Variants in GINS2 observed in about 807,000 individuals in gnomAD.
GINS2 encodes the protein GINS complex subunit 2, also known as DNA replication complex GINS protein PSF2.
Under a neutral mutation model 21.2 loss-of-function variants are expected in GINS2, and 23 were observed. That is an observed-to-expected ratio of 1.08 (90% CI 0.78 to 1.53). The LOEUF (loss-of-function observed/expected upper bound fraction) is 1.53, where lower values mean the gene tolerates loss of function less well. GINS2 is among the 40% of genes most tolerant of loss of function. The probability of loss-of-function intolerance (pLI) is 0.00; values close to 1 mark genes in which losing one functional copy is unlikely to be tolerated. For missense variants in GINS2, 323 were observed against 233.9 expected (o/e 1.38, Z -2.49); for synonymous variants, 118 against 85.6 (o/e 1.38, Z -2.09).
At chr16:85,685,352 T>C (rs1166292434) in intron 2 of GINS2, among the ~76,000 whole-genome samples, 2 of 152,038 alleles carry the variant, frequency 1.3e-5, no homozygotes, top group East Asian at 1.9e-4. Flanking sequence ...GCTGCATTAA[T>C]GGAGCCAGGC....
At chr16:85,686,321 C>T (rs780020180) in intron 2 of GINS2, among the ~76,000 whole-genome samples, 10 of 151,494 alleles carry the variant, frequency 6.6e-5, no homozygotes, top group Non-Finnish European at 1.2e-4. Flanking sequence ...GGGAGGCTGA[C>T]GCGGGAGAAT....
rs770613406 is a variant in GINS2 at position 85,681,647 on chromosome 16, C to T, written c.240G>A (p.Lys80=). Residue 80 remains lysine (K), a synonymous_variant, in exon 3 of 5, where the codon AAG becomes AAA. Coordinates refer to ENST00000253462, the MANE Select transcript of GINS2 (RefSeq NM_016095.3). ...KLEKMRDHER[K]EETFTPMPSP... ...TGGGCATTGGGGTAAAAGTTTCTTCCTTTCGTTCATGATCCCTCATCTTCT... is the reference window on the plus strand; with the variant it reads ...TGGGCATTGGGGTAAAAGTTTCTTCTTTTCGTTCATGATCCCTCATCTTCT... 1.2e-6 allele frequency: 2 copies of T among 1,612,252 alleles called. No homozygotes were observed. The highest frequency in any genetic ancestry group is 3.3e-5 in the Admixed American group (2 of 59,980).
intron 3 of GINS2, among the ~76,000 whole-genome samples, chr16:85,679,410 A>G (rs933342590): frequency 2.6e-5 from 4 of 152,270 alleles, no homozygotes; most frequent in African/African-American, 9.6e-5. Flanking sequence ...CGATAAAAGC[A>G]GAAGCAAATA....
At position 85,687,554 on chromosome 16, in the gene GINS2, G is replaced by C; in HGVS notation, c.111C>G (p.Asn37Lys). 6.4e-7 allele frequency: 1 copy of C among 1,571,202 alleles called. No individual in the cohort carries two copies. Among genetic ancestry groups the C allele is most frequent in the Non-Finnish European group, 8.6e-7 (1 of 1,164,832 alleles). Residue 37 changes from asparagine to lysine, a missense_variant, in exon 2 of 5, where the codon AAC becomes AAG. By Grantham distance (94) the Asn-to-Lys change is moderately conservative. Transcript: ENST00000253462. ...YLIGGDLGPF[N>K]PGLPVEVPLW... ...GGGGCACTTCCACGGGTAAACCAGG[G>C]TTAAAAGGCCCCAGGTCCCCCTGCC...
rs1166219687 is a variant in GINS2 at position 85,676,264 on chromosome 16, A to T, written c.*1948T>A. 1 of 152,452 alleles carries T rather than the reference A, an allele frequency of 6.6e-6. No homozygotes were observed. Among genetic ancestry groups the T allele is most frequent in the African/African-American group, 2.4e-5 (1 of 41,466 alleles). The allele number at this position is 152,452 out of a possible 1,614,324, so 9.4% of individuals were successfully genotyped here. On this transcript the variant is annotated 3_prime_UTR_variant, in exon 5 of 5. Coordinates refer to ENST00000253462, the MANE Select transcript of GINS2 (RefSeq NM_016095.3). ...CCAAACAAAGAAAAGCTCAATAACT[A>T]TACATCTCCGCAGACGGAGCTGCCT... is the stretch of plus-strand genomic sequence containing the variant.
chr16:85,688,939 G>A lies in GINS2; in HGVS notation c.-41C>T, dbSNP rs926679690. On this transcript the variant is annotated 5_prime_UTR_variant, in exon 1 of 5. Transcript: ENST00000253462. ...AGGCCAGAGCCTCACGGTCTCCTCG[G>A]GCCCCTCAGCGTCCCGGAGGAGACG... 1.6e-5 allele frequency: 23 copies of A among 1,417,984 alleles called. No homozygotes were observed. The highest frequency in any genetic ancestry group is 2.2e-5 in the Admixed American group (1 of 46,490). The allele number at this position is 1,417,984 out of a possible 1,614,324, so 87.8% of individuals were successfully genotyped here. A position where few individuals can be genotyped will look rare whatever the true frequency, so the allele number is the denominator to read the frequency against.
rs1422398555 is a variant in GINS2, at chr16:85,677,601, T to A, written c.*611A>T. On this transcript the variant is annotated 3_prime_UTR_variant, in exon 5 of 5. Transcript: ENST00000253462. ...TGCCGTGTGCCTCAGTTTCGTTGAC[T>A]GAGTCATCTCAGCCACAGGCTCAGT... is the stretch of plus-strand genomic sequence containing the variant. The A allele has an allele frequency of 6.6e-6, 1 of 152,278 alleles. No individual in the cohort carries two copies. Among genetic ancestry groups the A allele is most frequent in the Non-Finnish European group, 1.5e-5 (1 of 68,092 alleles). The allele number at this position is 152,278 out of a possible 1,614,324, so 9.4% of individuals were successfully genotyped here.
intron 3 of GINS2, 31 bp downstream of exon 3, chr16:85,681,551 G>A (rs147925909): frequency 2.7e-5 from 34 of 1,260,910 alleles, no homozygotes; most frequent in African/African-American, 2.1e-4. Context: ...CCAGTCTTGG[G>A]TGTGGCCTCT....
In GINS2 at chr16:85,677,494, G is replaced by A. The variant is rs924898121; in HGVS notation, c.*718C>T. 1.3e-5 allele frequency: 2 copies of A among 152,068 alleles called. No homozygotes were observed. Among genetic ancestry groups the A allele is most frequent in the Non-Finnish European group, 2.9e-5 (2 of 68,016 alleles). The allele number at this position is 152,068 out of a possible 1,614,324, so 9.4% of individuals were successfully genotyped here. On this transcript the variant is annotated 3_prime_UTR_variant, in exon 5 of 5. Coordinates refer to ENST00000253462, the MANE Select transcript of GINS2 (RefSeq NM_016095.3). Reference sequence around the variant, plus strand: ...TCGTTTTTTTCCTGACTCTCCTCTTGATAAGCAACCCATTAAACCTGAGCT... The same window carrying A: ...TCGTTTTTTTCCTGACTCTCCTCTTAATAAGCAACCCATTAAACCTGAGCT...
chr16:85,676,595 A>C lies in GINS2; in HGVS notation c.*1617T>G. 6.6e-6 allele frequency: 1 copy of C among 152,278 alleles called. No homozygotes were observed. The highest frequency in any genetic ancestry group is 2.1e-4 in the South Asian group (1 of 4,834). 9.4% of individuals were successfully genotyped at this position (152,278 alleles called of 1,614,324 possible). ...TGCAGCATGCTAGACACTGGAGGGC[A>C]GATGCTGGGTGATAAGTCTTTAGGC... On this transcript the variant is annotated 3_prime_UTR_variant, in exon 5 of 5. Coordinates refer to ENST00000253462, the MANE Select transcript of GINS2 (RefSeq NM_016095.3).
At chr16:85,686,632 T>C (rs1391818160) in intron 2 of GINS2, among the ~76,000 whole-genome samples, 1 of 152,200 alleles carries the variant, frequency 6.6e-6, no homozygotes, top group Non-Finnish European at 1.5e-5. Flanking sequence ...TTGTCTCTAT[T>C]GATTTGCCTA....
chr16:85,684,929 C>T (rs1023236976), intron 2 of GINS2, among the ~76,000 whole-genome samples: 2 of 151,984 alleles, frequency 1.3e-5, no homozygotes, highest in African/African-American at 4.8e-5. Flanking sequence ...GCTGGGATTA[C>T]AGGCGCCCAC....
chr16:85,679,114 G>C (rs1000995429), intron 3 of GINS2, among the ~76,000 whole-genome samples: 1 of 152,206 alleles, frequency 6.6e-6, no homozygotes, highest in Non-Finnish European at 1.5e-5. Context: ...ACAGCCTAGA[G>C]AAGGAAAACG....
intron 3 of GINS2, among the ~76,000 whole-genome samples, chr16:85,680,646 C>T (rs975834744): frequency 1.2e-4 from 19 of 152,092 alleles, no homozygotes; most frequent in African/African-American, 4.6e-4. Flanking sequence ...TTACAACTGG[C>T]AAATGCCATA....
chr16:85,682,513 G>A (rs1237899073), intron 2 of GINS2, among the ~76,000 whole-genome samples: 1 of 150,392 alleles, frequency 6.6e-6, no homozygotes, highest in Non-Finnish European at 1.5e-5. Flanking sequence ...CCCAGCCTGG[G>A]CGTGATACAA....
chr16:85,687,201 A>G (rs978120620), intron 2 of GINS2, among the ~76,000 whole-genome samples: 2 of 152,264 alleles, frequency 1.3e-5, no homozygotes, highest in Non-Finnish European at 2.9e-5. Flanking sequence ...AGCCTGGGTG[A>G]TGGAGTCAGA....
Position 85,678,709 on chromosome 16 carries a change from ACC to A in GINS2, c.306-45_306-44del, listed in dbSNP as rs779754987. 4 of 1,595,040 alleles carry A rather than the reference ACC, an allele frequency of 2.5e-6. No homozygotes were observed. The Admixed American group carries it at 5.1e-5, about 20-fold the overall frequency. On this transcript the variant is annotated intron_variant, in intron 3 of 4. Transcript: ENST00000253462. Reference sequence around the variant, plus strand: ...AAAGTCAGTCGGGGAACACTTGATAACCTGAGGCAATGCTGGATAGAGTGGCT... The same window carrying A: ...AAAGTCAGTCGGGGAACACTTGATAATGAGGCAATGCTGGATAGAGTGGCT...
chr16:85,681,565 A>C lies in GINS2; in HGVS notation c.305+17T>G. Reference sequence around the variant, plus strand: ...TCCAGTCTTGGGTGTGGCCTCTAAGAGGTGAGATCTACTTACTGATTTAAC... The same window carrying C: ...TCCAGTCTTGGGTGTGGCCTCTAAGCGGTGAGATCTACTTACTGATTTAAC... On this transcript the variant is annotated intron_variant, in intron 3 of 4. Transcript: ENST00000253462. The C allele has an allele frequency of 1.4e-6, 2 of 1,436,904 alleles. No homozygotes were observed. Among genetic ancestry groups the C allele is most frequent in the Non-Finnish European group, 2.0e-6 (2 of 1,019,652 alleles). The allele number at this position is 1,436,904 out of a possible 1,614,324, so 89.0% of individuals were successfully genotyped here.
intron 2 of GINS2, among the ~76,000 whole-genome samples, chr16:85,684,883 A>G (rs11117254): frequency 0.72 from 109,436 of 151,076 alleles, 39,883 homozygotes; most frequent in East Asian, 0.9. Flanking sequence ...CACCTCCTGG[A>G]TTCAAGCAAT....
Sources: gnomAD v4.1 joint callset for allele counts (sites outside exome capture counted in the v4.1 genomes callset) on GRCh38, gnomAD v4.1.1 for gene constraint, MANE v1.5 for transcripts, NCBI Gene and HGNC (gene_info 2026-07-23, HGNC 2026-07-21) for gene names.